The following RPS6KA6 variants were observed in gnomAD, a reference collection of about 807,000 sequenced individuals.
The protein encoded by RPS6KA6 is ribosomal protein S6 kinase alpha-6.
In RPS6KA6, 27 loss-of-function variants were observed where a neutral mutation model predicts 65.4. The ratio of observed to expected loss-of-function variants is 0.41; its 90% confidence interval spans 0.30 to 0.57. The LOEUF (loss-of-function observed/expected upper bound fraction) is 0.57, where lower values mean the gene tolerates loss of function less well. Among genes scored for constraint, RPS6KA6 ranks in the 20% least tolerant of loss-of-function variants. The pLI is 0.24. For missense variants in RPS6KA6, 486 were observed against 555.6 expected (o/e 0.87, Z 1.26); for synonymous variants, 190 against 184.2 (o/e 1.03, Z -0.26).
chrX:84,085,296 A>T (rs2033894341), intron 20 of RPS6KA6, among the ~76,000 whole-genome samples: 1 of 111,792 alleles, frequency 8.9e-6, no homozygotes, highest in South Asian at 3.7e-4. Flanking sequence ...GAATTCTTCC[A>T]GCTTTTGCCC....
chrX:84,161,674 T>G (rs989106178), intron 2 of RPS6KA6, among the ~76,000 whole-genome samples: 1 of 111,934 alleles, frequency 8.9e-6, no homozygotes, highest in Middle Eastern at 4.2e-3. Context: ...TTTGAAAGAA[T>G]TCTTAACAGA....
intron 20 of RPS6KA6, among the ~76,000 whole-genome samples, chrX:84,082,357 G>A (rs2033817982): frequency 9.0e-6 from 1 of 111,441 alleles, no homozygotes; most frequent in African/African-American, 3.3e-5. Context: ...TTGCTACAAA[G>A]GGAATAAAAT....
chrX:84,159,623 A>G (rs144397130), intron 2 of RPS6KA6, among the ~76,000 whole-genome samples: 112 of 111,109 alleles, frequency 1.0e-3, no homozygotes, highest in African/African-American at 3.4e-3. Context: ...GAGGATAGAG[A>G]ACTTTGTCAG....
At chrX:84,089,789 C>A (rs2034006109) in intron 20 of RPS6KA6, among the ~76,000 whole-genome samples, 2 of 111,639 alleles carry the variant, frequency 1.8e-5, no homozygotes, top group African/African-American at 6.5e-5. Flanking sequence ...TCTGCCTAGT[C>A]AGTCCCAATA....
intron 3 of RPS6KA6, among the ~76,000 whole-genome samples, chrX:84,152,912 G>A (rs908204432): frequency 2.6e-4 from 29 of 111,558 alleles, no homozygotes; most frequent in Admixed American, 7.7e-4. Flanking sequence ...ACCTAAAAAC[G>A]TATCTATATT....
At chrX:84,127,079 C>A (rs1490231809) in intron 8 of RPS6KA6, among the ~76,000 whole-genome samples, 1 of 110,656 alleles carries the variant, frequency 9.0e-6, no homozygotes. Context: ...AATTGATAAA[C>A]CATTAGCCAG....
intron 8 of RPS6KA6, 91 bp from the exon 9 acceptor site, chrX:84,120,118 A>T (rs1010264440): frequency 3.3e-6 from 2 of 606,162 alleles, no homozygotes; most frequent in Non-Finnish European, 4.8e-6. Flanking sequence ...TAAACATTAC[A>T]ATTATTTATG....
rs181838125 is a variant in RPS6KA6, at chrX:84,087,956, C to T, written c.1971+8238G>A. Among the ~76,000 whole-genome samples the T allele has an allele frequency of 5.3e-5, 6 of 112,290 alleles. No individual in the cohort carries two copies. In the East Asian group the frequency reaches 1.7e-3, roughly 32 times the overall value. On this transcript the variant is annotated intron_variant, in intron 20 of 21. Transcript: ENST00000262752. ...TGCTTAATCTATTCTGCTACTGATA[C>T]TTGTGATTACGTTGTGAAGTTCTTG...
At chrX:84,117,275 G>C in intron 10 of RPS6KA6, 109 bp downstream of exon 10, 1 of 643,469 alleles carries the variant, frequency 1.6e-6, no homozygotes, top group Admixed American at 4.0e-5. Context: ...AAGGGAACAA[G>C]ACAGTGAGAA....
Position 84,097,867 on chromosome X carries a change from T to A in RPS6KA6, c.1777-19A>T. 1 of 1,067,057 alleles carries A rather than the reference T, an allele frequency of 9.4e-7. No individual in the cohort carries two copies. The highest frequency in any genetic ancestry group is 1.3e-6 in the Non-Finnish European group (1 of 773,067). 87.9% of individuals were successfully genotyped at this position (1,067,057 alleles called of 1,213,427 possible). ...TAAGAACCTAAGAAAGAAATACTCA[T>A]TATATGGTGTTACTCAATATAAACT... On this transcript the variant is annotated intron_variant, in intron 18 of 21. Coordinates refer to ENST00000262752, the MANE Select transcript of RPS6KA6 (RefSeq NM_014496.5).
intron 20 of RPS6KA6, among the ~76,000 whole-genome samples, chrX:84,093,380 G>A (rs963935985): frequency 8.0e-5 from 9 of 112,218 alleles, no homozygotes; most frequent in Non-Finnish European, 1.5e-4. Context: ...ACAAATGTAA[G>A]CAGTAGAACT....
intron 8 of RPS6KA6, among the ~76,000 whole-genome samples, chrX:84,130,660 C>T (rs1008257549): frequency 9.0e-6 from 1 of 111,662 alleles, no homozygotes; most frequent in Non-Finnish European, 1.9e-5. Context: ...AAATGAAACA[C>T]TACTTAGCAA....
rs182736131 is a variant in RPS6KA6 at position 84,145,956 on chromosome X, C to T, written c.422-399G>A. On this transcript the variant is annotated intron_variant, in intron 5 of 21. Coordinates refer to ENST00000262752, the MANE Select transcript of RPS6KA6 (RefSeq NM_014496.5). ...CATTTTTCAACAGCTTCCTCAACCT[C>T]TTCTTTATTGAAATTACTTGCTGCT... 3.2e-3 allele frequency among the ~76,000 whole-genome samples: 354 copies of T among 111,637 alleles called. 3 individuals carry two copies. The highest frequency in any genetic ancestry group is 0.011 in the African/African-American group (334 of 30,896).
chrX:84,060,516 A>G lies in RPS6KA6; in HGVS notation c.*3761T>C, dbSNP rs2033287632. The G allele has an allele frequency of 9.2e-6, 1 of 108,823 alleles. No individual in the cohort carries two copies. Among genetic ancestry groups the G allele is most frequent in the Admixed American group, 9.9e-5 (1 of 10,091 alleles). The allele number at this position is 108,823 out of a possible 1,213,427, so 9.0% of individuals were successfully genotyped here. On this transcript the variant is annotated 3_prime_UTR_variant, in exon 22 of 22. Transcript: ENST00000262752. ...TAAAACTTCTTATGCTATATAGGTC[A>G]TGTACTGTGAGAAACAAGAATACAA...
chrX:84,076,436 T>C (rs1375552001), intron 20 of RPS6KA6, among the ~76,000 whole-genome samples: 1 of 111,838 alleles, frequency 8.9e-6, no homozygotes, highest in African/African-American at 3.2e-5. Context: ...AATTTAGCTA[T>C]ATATAGTCTA....
At chrX:84,161,153 T>G (rs1244275529) in intron 2 of RPS6KA6, among the ~76,000 whole-genome samples, 2 of 111,623 alleles carry the variant, frequency 1.8e-5, no homozygotes, top group Non-Finnish European at 3.8e-5. Context: ...CCTGGACTTA[T>G]GACAGTGTTG....
chrX:84,109,061 T>A (rs1341958345), intron 12 of RPS6KA6, among the ~76,000 whole-genome samples: 1 of 111,335 alleles, frequency 9.0e-6, no homozygotes, highest in Non-Finnish European at 1.9e-5. Flanking sequence ...AACACCACCA[T>A]CACACTTGCC....
chrX:84,170,067 G>C (rs920992006), intron 1 of RPS6KA6, among the ~76,000 whole-genome samples: 2 of 107,447 alleles, frequency 1.9e-5, no homozygotes, highest in African/African-American at 6.8e-5. Flanking sequence ...CTACATGGGA[G>C]GCTGAGGCAC....
intron 7 of RPS6KA6, 114 bp downstream of exon 7, chrX:84,134,988 TAA>T: frequency 1.6e-6 from 1 of 638,338 alleles, no homozygotes; most frequent in South Asian, 2.8e-5. Context: ...TTTTTACAAA[TAA>T]GTTTCATATA....
Sources: allele counts gnomAD v4.1 joint callset (sites outside exome capture counted in the v4.1 genomes callset), GRCh38; gene constraint gnomAD v4.1.1; transcripts MANE v1.5; gene names NCBI Gene and HGNC (gene_info 2026-07-23, HGNC 2026-07-21).